The following CDH15 variants were observed in gnomAD, a reference collection of about 807,000 sequenced individuals.
CDH15 encodes cadherin 15, also known as cadherin-15.
Under a neutral mutation model 69.4 loss-of-function variants are expected in CDH15, and 73 were observed. The observed-to-expected ratio is 1.05, with a 90% CI of 0.87 to 1.28. The LOEUF (loss-of-function observed/expected upper bound fraction) is 1.28. CDH15 is among the 50% of genes most tolerant of loss of function. CDH15 has a pLI of 0.00. For synonymous variants in CDH15, 624 were observed against 507.7 expected (o/e 1.23, Z -3.08); for missense variants, 1,343 against 1,133.6 (o/e 1.18, Z -2.65).
intron 8 of CDH15, 44 bp from the exon 9 acceptor site, chr16:89,191,286 C>G: frequency 1.2e-6 from 2 of 1,611,616 alleles, no homozygotes; most frequent in Non-Finnish European, 1.7e-6. Flanking sequence ...CCTGTGGGGC[C>G]CTGGGGTAAA....
intron 1 of CDH15, among the ~76,000 whole-genome samples, chr16:89,173,884 G>A (rs183776650): frequency 6.6e-6 from 1 of 152,368 alleles, no homozygotes; most frequent in East Asian, 1.9e-4. Context: ...CCAGCTGGGA[G>A]GCGGCTGAGG....
intron 6 of CDH15, 128 bp downstream of exon 6, chr16:89,187,685 G>A (rs574239637): frequency 1.8e-5 from 25 of 1,364,450 alleles, no homozygotes; most frequent in South Asian, 2.5e-5. Context: ...AAGGAACTCC[G>A]CGTGGGCGGG....
In CDH15 at chr16:89,191,867, C is replaced by A; in HGVS notation, c.1588C>A (p.Arg530=). The change falls in exon 10 of 14, where the codon CGG becomes AGG. Residue 530 remains arginine, a synonymous_variant. Coordinates refer to ENST00000289746, the MANE Select transcript of CDH15 (RefSeq NM_004933.3). The part of the protein sequence containing the change: ...QLSPRLPELG[R]NWSLSQVNVS... ...GAGCCCCAGGCTCCCAGAGCTCGGC[C>A]GGAACTGGAGCCTCAGCCAGGTCAA... 6.3e-7 allele frequency: 1 copy of A among 1,592,782 alleles called. No homozygotes were observed. The highest frequency in any genetic ancestry group is 1.1e-5 in the South Asian group (1 of 89,498).
chr16:89,194,769 G>A, intron 13 of CDH15, 93 bp from the exon 14 acceptor site: 2 of 1,298,582 alleles, frequency 1.5e-6, no homozygotes, highest in Non-Finnish European at 2.2e-6. Context: ...CTGAGCCCGT[G>A]CCTTGAGCTG....
At chr16:89,183,491 C>T (rs780238280) in intron 3 of CDH15, 57 bp from the exon 4 acceptor site, 32 of 1,605,526 alleles carry the variant, frequency 2.0e-5, no homozygotes, top group East Asian at 4.5e-5. Context: ...ATGGCCCTAA[C>T]GGGAGCCACA....
At chr16:89,172,714 G>A (rs1010165695) in intron 1 of CDH15, among the ~76,000 whole-genome samples, 1 of 152,206 alleles carries the variant, frequency 6.6e-6, no homozygotes, top group Non-Finnish European at 1.5e-5. Flanking sequence ...ACCCTAGGGG[G>A]ACCTAGACAT....
At chr16:89,179,669 G>A (rs1915332678) in intron 2 of CDH15, 95 bp downstream of exon 2, 7 of 1,344,464 alleles carry the variant, frequency 5.2e-6, no homozygotes, top group East Asian at 2.4e-5. Flanking sequence ...AGCCAGCGGG[G>A]CCCCATTTCA....
At chr16:89,193,345 C>A in intron 11 of CDH15, 125 bp from the exon 12 acceptor site, 1 of 561,370 alleles carries the variant, frequency 1.8e-6, no homozygotes, top group Admixed American at 3.1e-5. Flanking sequence ...ACTGCCGCCC[C>A]CTCAACCCCA....
At position 89,190,506 on chromosome 16, in the gene CDH15, C is replaced by T. The variant is rs568183888; in HGVS notation, c.1232+10C>T. On this transcript the variant is annotated intron_variant, in intron 8 of 13. Coordinates refer to ENST00000289746, the MANE Select transcript of CDH15 (RefSeq NM_004933.3). The stretch of plus-strand genomic sequence containing the variant: ...AGCTGCAGAGGCTCAGGTGGGGCTC[C>T]TGAGGCCCTGGGAGAGGTAGAGGAG... 3 of 1,583,576 alleles carry T rather than the reference C, an allele frequency of 1.9e-6. No homozygotes were observed. The highest frequency in any genetic ancestry group is 2.3e-5 in the South Asian group (2 of 87,026).
chr16:89,192,079 G>A (rs1915660534), intron 10 of CDH15, 126 bp from the exon 11 acceptor site: 3 of 1,314,916 alleles, frequency 2.3e-6, no homozygotes, highest in Non-Finnish European at 3.1e-6. Flanking sequence ...GTGCCCAGAG[G>A]ACGGTGGGGG....
chr16:89,181,584 C>G (rs1328349226), intron 3 of CDH15, among the ~76,000 whole-genome samples: 1 of 151,724 alleles, frequency 6.6e-6, no homozygotes, highest in Non-Finnish European at 1.5e-5. Flanking sequence ...CTGCCGTGCG[C>G]CGTGATTGCG....
At chr16:89,174,424 G>A (rs763567440) in intron 1 of CDH15, among the ~76,000 whole-genome samples, 14 of 152,226 alleles carry the variant, frequency 9.2e-5, no homozygotes, top group Non-Finnish European at 1.6e-4. Context: ...AACCGGGGGA[G>A]CAGGAGTGCA....
intron 3 of CDH15, 47 bp downstream of exon 3, chr16:89,180,402 G>A (rs1185875433): frequency 1.3e-6 from 2 of 1,589,336 alleles, no homozygotes; most frequent in Non-Finnish European, 1.7e-6. Flanking sequence ...CAGGCCTGGT[G>A]GAAAGCCAGT....
rs587780302 is a variant in CDH15 at position 89,187,553 on chromosome 16, A to G, written c.788A>G (p.Asp263Gly). ...GACAATGCCCCCGAGTTCACCAGGGATGAGGTGCTGCTGCTGTCCCTCCCT... is the reference window on the plus strand; with the variant it reads ...GACAATGCCCCCGAGTTCACCAGGGGTGAGGTGCTGCTGCTGTCCCTCCCT... ...INDNAPEFTR[D>G]EFFMEAIEAV... Residue 263 changes from aspartate (D) to glycine (G), a missense_variant, in exon 6 of 14, where the codon GAT becomes GGT. Coordinates refer to ENST00000289746, the MANE Select transcript of CDH15 (RefSeq NM_004933.3). The G allele has an allele frequency of 6.2e-7, 1 of 1,613,362 alleles. No individual in the cohort carries two copies. Among genetic ancestry groups the G allele is most frequent in the Non-Finnish European group, 8.5e-7 (1 of 1,180,032 alleles).
At chr16:89,185,568 G>A (rs536992928) in intron 5 of CDH15, 24 of 595,634 alleles carry the variant, frequency 4.0e-5, no homozygotes, top group East Asian at 1.7e-4. Context: ...TGAGGGGCCC[G>A]GCACAGGGCA....
chr16:89,190,494 C>T lies in CDH15; in HGVS notation c.1230C>T (p.Leu410=). The T allele has an allele frequency of 3.1e-6, 5 of 1,590,480 alleles. No individual in the cohort carries two copies. The highest frequency in any genetic ancestry group is 3.4e-6 in the Non-Finnish European group (4 of 1,169,638). ...RDPDTEQLQR[L]SYSKDYDPED... ...CTGACACAGAGCAGCTGCAGAGGCT[C>T]AGGTGGGGCTCCTGAGGCCCTGGGA... Residue 410 remains leucine, a splice_region_variant and synonymous_variant, in exon 8 of 14, where the codon CTC becomes CTT. Coordinates refer to ENST00000289746, the MANE Select transcript of CDH15 (RefSeq NM_004933.3).
intron 6 of CDH15, 128 bp downstream of exon 6, chr16:89,187,685 G>T (rs574239637): frequency 1.6e-4 from 217 of 1,364,570 alleles, no homozygotes; most frequent in Non-Finnish European, 3.5e-5. Flanking sequence ...AAGGAACTCC[G>T]CGTGGGCGGG....
Position 89,183,529 on chromosome 16 carries a change from T to C in CDH15, c.358-19T>C. ...AATTTGGGGGCCACAGAGCCAGCCC[T>C]TGCTCTATGTTTGAACAGCTAAGAG... is the stretch of plus-strand genomic sequence containing the variant. On this transcript the variant is annotated intron_variant, in intron 3 of 13. Coordinates refer to ENST00000289746, the MANE Select transcript of CDH15 (RefSeq NM_004933.3). 1 of 1,614,010 alleles carries C rather than the reference T, an allele frequency of 6.2e-7. No homozygotes were observed. The highest frequency in any genetic ancestry group is 8.5e-7 in the Non-Finnish European group (1 of 1,180,020).
In CDH15 at chr16:89,183,574, A is replaced by G; in HGVS notation, c.384A>G (p.Gly128=). The G allele has an allele frequency of 6.2e-7, 1 of 1,614,152 alleles. No individual in the cohort carries two copies. The highest frequency in any genetic ancestry group is 1.1e-5 in the South Asian group (1 of 91,084). The change falls in exon 4 of 14, where the codon GGA becomes GGG. Residue 128 remains glycine, a synonymous_variant. Coordinates refer to ENST00000289746, the MANE Select transcript of CDH15 (RefSeq NM_004933.3). ...FRLRAFALDL[G]GSTLEDPTDL... ...TAAGAGCGTTTGCCCTGGACCTGGG[A>G]GGATCCACCCTGGAGGACCCCACGG...
Sources: allele counts gnomAD v4.1 joint callset (sites outside exome capture counted in the v4.1 genomes callset), GRCh38; gene constraint gnomAD v4.1.1; transcripts MANE v1.5; gene names NCBI Gene and HGNC (gene_info 2026-07-23, HGNC 2026-07-21).